ACOXL: variants seen among roughly 807,000 people sequenced by gnomAD.
ACOXL encodes the protein acyl-CoA oxidase like, also known as acyl-coenzyme A oxidase-like protein.
In ACOXL, 70 loss-of-function variants were observed where a neutral mutation model predicts 71.9. That is an observed-to-expected ratio of 0.97 (90% CI 0.80 to 1.19). The LOEUF (loss-of-function observed/expected upper bound fraction) is 1.19. Ranked by LOEUF, ACOXL falls within the 50% of genes most tolerant of loss-of-function variation. ACOXL has a pLI of 0.00. For synonymous variants in ACOXL, 253 were observed against 281.6 expected (o/e 0.90, Z 1.02); for missense variants, 703 against 736.3 (o/e 0.95, Z 0.52).
intron 10 of ACOXL, among the ~76,000 whole-genome samples, chr2:110,865,301 G>C (rs1010047515): frequency 1.3e-5 from 2 of 152,226 alleles, no homozygotes; most frequent in Non-Finnish European, 2.9e-5. Context: ...CACACGGCAG[G>C]TGCGTAGGGT....
At chr2:110,968,040 AG>A in intron 12 of ACOXL, 1 of 1,104,406 alleles carries the variant, frequency 9.1e-7, no homozygotes, top group South Asian at 1.2e-5. Context: ...ATGCCCGTAT[AG>A]AGGGGGATAT....
At chr2:111,051,819 T>A (rs558540270) in intron 16 of ACOXL, among the ~76,000 whole-genome samples, 36 of 152,314 alleles carry the variant, frequency 2.4e-4, no homozygotes, top group Middle Eastern at 6.8e-3. Flanking sequence ...TGTCAAACAT[T>A]CCAATGTTGC....
intron 9 of ACOXL, among the ~76,000 whole-genome samples, chr2:110,814,442 A>G (rs1356639383): frequency 6.6e-6 from 1 of 151,344 alleles, no homozygotes; most frequent in East Asian, 1.9e-4. Context: ...TTTTTAGCTT[A>G]GTTTAACGGA....
At chr2:110,890,552 A>G (rs1238273104) in intron 10 of ACOXL, among the ~76,000 whole-genome samples, 4 of 152,172 alleles carry the variant, frequency 2.6e-5, no homozygotes, top group African/African-American at 9.6e-5. Context: ...TTTCAGTACT[A>G]TTCATTGAAA....
intron 15 of ACOXL, among the ~76,000 whole-genome samples, chr2:111,048,812 CA>C (rs1349528311): frequency 6.6e-6 from 1 of 152,066 alleles, no homozygotes. Flanking sequence ...CCATGGAAAT[CA>C]TGATGGAAGA....
intron 16 of ACOXL, among the ~76,000 whole-genome samples, chr2:111,060,796 A>T (rs2066777854): frequency 6.6e-6 from 1 of 152,258 alleles, no homozygotes; most frequent in Admixed American, 6.5e-5. Flanking sequence ...AAAAATCACC[A>T]ATAAAATCAT....
intron 11 of ACOXL, among the ~76,000 whole-genome samples, chr2:110,910,286 T>A (rs1031364508): frequency 1.3e-5 from 2 of 152,220 alleles, no homozygotes; most frequent in African/African-American, 4.8e-5. Context: ...CAGAAGGTCT[T>A]GATGTTCCTC....
intron 16 of ACOXL, among the ~76,000 whole-genome samples, chr2:111,091,781 A>G (rs1252799171): frequency 6.6e-6 from 1 of 152,212 alleles, no homozygotes; most frequent in Non-Finnish European, 1.5e-5. Flanking sequence ...CTGCTCAGCC[A>G]TACTGTGACA....
chr2:110,781,982 G>T (rs1250225002), intron 2 of ACOXL, among the ~76,000 whole-genome samples: 1 of 152,178 alleles, frequency 6.6e-6, no homozygotes, highest in Non-Finnish European at 1.5e-5. Context: ...TTTAAGAAAA[G>T]CTATCTTCCT....
chr2:111,016,724 A>T (rs1203266528), intron 14 of ACOXL: 2 of 153,176 alleles, frequency 1.3e-5, no homozygotes. Context: ...GCAGCATGGA[A>T]TCCAGGTAGC....
At chr2:110,933,959 C>T (rs997783012) in intron 12 of ACOXL, among the ~76,000 whole-genome samples, 4 of 152,220 alleles carry the variant, frequency 2.6e-5, no homozygotes, top group African/African-American at 9.6e-5. Context: ...CAAAGCTCTG[C>T]TCCAATGTTT....
chr2:110,845,349 C>T, intron 10 of ACOXL, among the ~76,000 whole-genome samples: 1 of 152,170 alleles, frequency 6.6e-6, no homozygotes, highest in East Asian at 1.9e-4. Context: ...GCCCTCATGG[C>T]TTAATCACCT....
intron 10 of ACOXL, among the ~76,000 whole-genome samples, chr2:110,853,190 T>C (rs1347754910): frequency 6.6e-6 from 1 of 152,172 alleles, no homozygotes; most frequent in Non-Finnish European, 1.5e-5. Context: ...TCCAGAGACA[T>C]TCAGTGACAT....
intron 9 of ACOXL, among the ~76,000 whole-genome samples, chr2:110,830,376 CCTCT>C (rs747267247): frequency 1.4e-4 from 22 of 152,034 alleles, no homozygotes; most frequent in Non-Finnish European, 2.8e-4. Context: ...TCCCTCCCTC[CCTCT>C]CTTTCTTTCT....
intron 3 of ACOXL, among the ~76,000 whole-genome samples, chr2:110,791,384 A>G (rs781196087): frequency 3.9e-5 from 6 of 152,234 alleles, no homozygotes; most frequent in Admixed American, 1.3e-4. Context: ...AAAACCTAGA[A>G]GAGGAATTTA....
chr2:110,947,082 G>A (rs1281278345), intron 12 of ACOXL, among the ~76,000 whole-genome samples: 1 of 152,244 alleles, frequency 6.6e-6, no homozygotes, highest in African/African-American at 2.4e-5. Context: ...TCCTTTGAAC[G>A]TGTTGAAAAC....
At chr2:111,002,156 C>T (rs535083866) in intron 14 of ACOXL, among the ~76,000 whole-genome samples, 1 of 152,180 alleles carries the variant, frequency 6.6e-6, no homozygotes, top group Non-Finnish European at 1.5e-5. Flanking sequence ...AAGCCTGGGA[C>T]AGACAGCCAG....
intron 3 of ACOXL, among the ~76,000 whole-genome samples, chr2:110,787,276 T>A (rs1371244807): frequency 6.6e-6 from 1 of 152,210 alleles, no homozygotes; most frequent in Non-Finnish European, 1.5e-5. Context: ...GACTCACGCT[T>A]GTAATCCCAG....
intron 9 of ACOXL, among the ~76,000 whole-genome samples, chr2:110,819,938 G>C (rs1341427086): frequency 6.6e-6 from 1 of 152,166 alleles, no homozygotes; most frequent in African/African-American, 2.4e-5. Context: ...CCAGGGCCCA[G>C]CTTCTTGTTC....
Sources: gnomAD v4.1 joint callset for allele counts (sites outside exome capture counted in the v4.1 genomes callset) on GRCh38, gnomAD v4.1.1 for gene constraint, MANE v1.5 for transcripts, NCBI Gene and HGNC (gene_info 2026-07-23, HGNC 2026-07-21) for gene names.